Variants in ZBTB49 observed in about 807,000 individuals in gnomAD.
The protein encoded by ZBTB49 is zinc finger and BTB domain containing 49, also known as zinc finger and BTB domain-containing protein 49.
Under a neutral mutation model 57.5 loss-of-function variants are expected in ZBTB49, and 43 were observed. The ratio of observed to expected loss-of-function variants is 0.75; its 90% CI spans 0.59 to 0.97. The LOEUF (loss-of-function observed/expected upper bound fraction) is 0.97. Among genes scored for constraint, ZBTB49 ranks in the 50% least tolerant of loss-of-function variants. The pLI is 0.00. For synonymous variants in ZBTB49, 369 were observed against 362.1 expected, an observed-to-expected ratio of 1.02 and a Z score of -0.22; for missense variants, 938 against 947.7, an observed-to-expected ratio of 0.99 and a Z score of 0.13.
intron 1 of ZBTB49, among the ~76,000 whole-genome samples, chr4:4,294,138 CTAT>C (rs1473678733): frequency 6.6e-6 from 1 of 152,096 alleles, no homozygotes; most frequent in East Asian, 1.9e-4. Flanking sequence ...ATAATCATTA[CTAT>C]TATTAGGTAT....
In ZBTB49 at chr4:4,313,287, A is replaced by C. The variant is rs1721054676; in HGVS notation, c.1376+173A>C. Among the ~76,000 whole-genome samples the C allele has an allele frequency of 2.0e-5, 3 of 152,250 alleles. No individual in the cohort carries two copies. The South Asian group carries it at 6.2e-4, about 31-fold the overall frequency. ...TCTGGCTTTGCATGTGACACACGAG[A>C]GAATAATAAAAAGAAAAGTTAATTC... On this transcript the variant is annotated intron_variant, in intron 5 of 7. Transcript: ENST00000337872.
At chr4:4,314,992 A>G (rs1721126211) in intron 5 of ZBTB49, among the ~76,000 whole-genome samples, 2 of 152,196 alleles carry the variant, frequency 1.3e-5, no homozygotes, top group South Asian at 2.1e-4. Context: ...CTTGTTCTCA[A>G]TGTTAGGACT....
At chr4:4,311,933 ATT>A (rs11417287) in intron 4 of ZBTB49, among the ~76,000 whole-genome samples, 3 of 152,030 alleles carry the variant, frequency 2.0e-5, no homozygotes, top group Admixed American at 2.0e-4. Flanking sequence ...CGCAGATGGC[ATT>A]TTTAATACTT....
At chr4:4,313,937 G>A (rs996742470) in intron 5 of ZBTB49, among the ~76,000 whole-genome samples, 3 of 152,116 alleles carry the variant, frequency 2.0e-5, no homozygotes, top group Admixed American at 1.3e-4. Context: ...TGCTATATGG[G>A]TCCATAAAAA....
rs1720518614 is a variant in ZBTB49 at position 4,302,327 on chromosome 4, C to T, written c.491C>T (p.Ala164Val). The change falls in exon 3 of 8, where the codon GCA becomes GTA. Residue 164 changes from alanine to valine, a missense_variant. By Grantham distance (64) the Ala-to-Val change is moderately conservative. This residue lies in a region of ZBTB49 where 835 missense variants were observed against 819.1 expected (regional missense o/e 1.02). Transcript: ENST00000337872. ...TTACTGCAGGAATGTTCAGCAGATG[C>T]ACAGCAGAACAAAACGTTGGATGAA... ...PHLLQECSAD[A>V]QQNKTLDESH... The T allele has an allele frequency of 1.2e-6, 2 of 1,614,108 alleles. No individual in the cohort carries two copies. Among genetic ancestry groups the T allele is most frequent in the South Asian group, 1.1e-5 (1 of 91,090 alleles).
intron 1 of ZBTB49, among the ~76,000 whole-genome samples, chr4:4,294,704 G>A (rs1409251347): frequency 2.0e-5 from 3 of 152,040 alleles, no homozygotes; most frequent in Admixed American, 6.6e-5. Context: ...TAACTGCCTA[G>A]CATCATAACT....
At chr4:4,300,934 G>C (rs1577234011) in intron 2 of ZBTB49, among the ~76,000 whole-genome samples, 1 of 151,938 alleles carries the variant, frequency 6.6e-6, no homozygotes, top group East Asian at 1.9e-4. Flanking sequence ...AGTAGACAAC[G>C]TGGGACATGA....
At chr4:4,308,200 C>T (rs1438264479) in intron 4 of ZBTB49, among the ~76,000 whole-genome samples, 3 of 152,200 alleles carry the variant, frequency 2.0e-5, no homozygotes, top group African/African-American at 7.2e-5. Flanking sequence ...GCCTTAGCCT[C>T]CCAAGTAGCT....
chr4:4,309,045 A>G, intron 4 of ZBTB49, among the ~76,000 whole-genome samples: 1 of 152,236 alleles, frequency 6.6e-6, no homozygotes, highest in East Asian at 1.9e-4. Context: ...CGTATGCCTA[A>G]CATTATTTTC....
chr4:4,320,498 G>C lies in ZBTB49; in HGVS notation c.1622-142G>C, dbSNP rs543406007. 3 of 921,186 alleles carry C rather than the reference G, an allele frequency of 3.3e-6. No individual in the cohort carries two copies. In the South Asian group the frequency reaches 5.0e-5, roughly 15 times the overall value. The allele number at this position is 921,186 out of a possible 1,614,324, so 57.1% of individuals were successfully genotyped here. A position where few individuals can be genotyped will look rare whatever the true frequency, so the allele number is the denominator to read the frequency against. On this transcript the variant is annotated intron_variant, in intron 7 of 7. Coordinates refer to ENST00000337872, the MANE Select transcript of ZBTB49 (RefSeq NM_145291.4). ...ACAAAATGTATATGTATATTAGCCA[G>C]GCGTGGTGTCATGCGCCTGTCGTCC...
intron 7 of ZBTB49, among the ~76,000 whole-genome samples, chr4:4,317,852 A>G (rs1410742354): frequency 6.6e-6 from 1 of 152,106 alleles, no homozygotes; most frequent in Non-Finnish European, 1.5e-5. Context: ...GCAGGCCTGC[A>G]CTGCACAGCC....
intron 4 of ZBTB49, 31 bp downstream of exon 4, chr4:4,306,215 T>C (rs1445142550): frequency 6.3e-7 from 1 of 1,579,574 alleles, no homozygotes; most frequent in African/African-American, 1.4e-5. Flanking sequence ...TGTTAATAAT[T>C]GGAAACCTGC....
chr4:4,299,874 T>C, intron 1 of ZBTB49, 53 bp from the exon 2 acceptor site: 2 of 1,565,270 alleles, frequency 1.3e-6, no homozygotes, highest in Middle Eastern at 1.8e-4. Flanking sequence ...TCCCATTTAG[T>C]TTCCAGTGAG....
At chr4:4,311,360 T>C (rs1720974083) in intron 4 of ZBTB49, among the ~76,000 whole-genome samples, 1 of 152,280 alleles carries the variant, frequency 6.6e-6, no homozygotes, top group Non-Finnish European at 1.5e-5. Context: ...CCGATTATTA[T>C]GCAACTGATC....
intron 1 of ZBTB49, among the ~76,000 whole-genome samples, chr4:4,296,715 A>G (rs116804421): frequency 1.3e-5 from 2 of 152,342 alleles, no homozygotes; most frequent in African/African-American, 2.4e-5. Context: ...GTAGATAGCT[A>G]TTTTGAAAAG....
At chr4:4,294,730 A>C (rs545259942) in intron 1 of ZBTB49, among the ~76,000 whole-genome samples, 24 of 152,244 alleles carry the variant, frequency 1.6e-4, no homozygotes, top group Admixed American at 1.3e-3. Context: ...GGTCATTCCA[A>C]ATAACTTTTT....
At chr4:4,311,704 A>G (rs1325911954) in intron 4 of ZBTB49, among the ~76,000 whole-genome samples, 4 of 152,238 alleles carry the variant, frequency 2.6e-5, no homozygotes, top group Non-Finnish European at 2.9e-5. Flanking sequence ...TTTGAAGTTC[A>G]GCAAATGTAT....
chr4:4,296,915 G>A (rs1032961244), intron 1 of ZBTB49, among the ~76,000 whole-genome samples: 7 of 152,278 alleles, frequency 4.6e-5, no homozygotes, highest in African/African-American at 1.7e-4. Flanking sequence ...GGCTCAAGGG[G>A]AGAGGGAAGG....
chr4:4,307,287 G>C (rs1412718642), intron 4 of ZBTB49, among the ~76,000 whole-genome samples: 1 of 152,168 alleles, frequency 6.6e-6, no homozygotes, highest in Non-Finnish European at 1.5e-5. Flanking sequence ...GGAAGGATTT[G>C]ATAAGCTGAG....
Sources: gnomAD v4.1 joint callset for allele counts (sites outside exome capture counted in the v4.1 genomes callset) on GRCh38, gnomAD v4.1.1 for gene constraint, gnomAD v4.1.1 regional missense constraint, MANE v1.5 for transcripts, NCBI Gene and HGNC (gene_info 2026-07-23, HGNC 2026-07-21) for gene names.